USP43: variants seen among roughly 807,000 people sequenced by gnomAD.
USP43 encodes the protein ubiquitin specific peptidase 43.
Under a neutral mutation model 90.7 loss-of-function variants are expected in USP43, and 33 were observed. The ratio of observed to expected loss-of-function variants is 0.36; its 90% CI spans 0.28 to 0.49. USP43 has a LOEUF of 0.49. USP43 is among the 20% of genes least tolerant of loss of function. USP43 has a pLI of 0.98. For synonymous variants in USP43, 598 were observed against 615.8 expected (o/e 0.97, Z 0.43); for missense variants, 1,274 against 1,476.4 (o/e 0.86, Z 2.25).
At chr17:9,680,732 A>G (rs577801066) in intron 6 of USP43, among the ~76,000 whole-genome samples, 167 of 152,084 alleles carry the variant, frequency 1.1e-3, no homozygotes, top group African/African-American at 3.8e-3. Flanking sequence ...TTTGAGAACC[A>G]CTATTTGGTA....
In USP43 at chr17:9,728,153, G is replaced by A. The variant is rs1365273838; in HGVS notation, c.2535G>A (p.Thr845=). Residue 845 remains threonine (T), a synonymous_variant, in exon 15 of 15, where the codon ACG becomes ACA. Transcript: ENST00000285199. The surrounding 1 kb of genome is among the most constrained non-coding windows in gnomAD (Gnocchi z 6.2). ...AATCCAGACGAAGACCTCGGTCCAC[G>A]AGCCAGTCCATTGTGTCGCTGTTGA... ...YLESRRRPRS[T]SQSIVSLLTG... is the part of the protein sequence containing the mutation. 19 of 1,613,834 alleles carry A rather than the reference G, an allele frequency of 1.2e-5. No homozygotes were observed. Among genetic ancestry groups the A allele is most frequent in the Middle Eastern group, 1.6e-4 (1 of 6,084 alleles).
In USP43 at chr17:9,645,767, G is replaced by C. The variant is rs1250027306; in HGVS notation, c.135G>C (p.Pro45=). The change falls in exon 1 of 15, where the codon CCG becomes CCC. Residue 45 remains proline (P), a synonymous_variant. Transcript: ENST00000285199. This position sits in a 1 kb window ranked among gnomAD's most constrained non-coding sequence, Gnocchi z 6.8. ...GCCGCTCACGCCCCGGGGACTCACC[G>C]CCCCGGCCCCAGCCGGGACACTGTG... ...LGSRSRPGDS[P]PRPQPGHCDG... is the part of the protein sequence containing the mutation. 11 of 1,392,524 alleles carry C rather than the reference G, an allele frequency of 7.9e-6. No individual in the cohort carries two copies. The African/African-American group carries it at 1.5e-4, about 19-fold the overall frequency. 86.3% of individuals were successfully genotyped at this position (1,392,524 alleles called of 1,614,324 possible). A position where few individuals can be genotyped will look rare whatever the true frequency, so the allele number is the denominator to read the frequency against.
At chr17:9,650,144 T>C (rs1422041325) in intron 1 of USP43, among the ~76,000 whole-genome samples, 1 of 152,202 alleles carries the variant, frequency 6.6e-6, no homozygotes, top group African/African-American at 2.4e-5. Context: ...TATTATACTG[T>C]ATTGAAGTTT....
intron 14 of USP43, among the ~76,000 whole-genome samples, chr17:9,725,463 A>G (rs1422370530): frequency 6.6e-6 from 1 of 152,126 alleles, no homozygotes; most frequent in East Asian, 1.9e-4. Context: ...CTAGACGGGA[A>G]GTGACTTTGT....
At chr17:9,713,300 G>C (rs779199459) in intron 14 of USP43, among the ~76,000 whole-genome samples, 2 of 152,040 alleles carry the variant, frequency 1.3e-5, no homozygotes, top group African/African-American at 2.4e-5. Flanking sequence ...TGTTGGTCAG[G>C]CTGATCTCAA....
chr17:9,656,558 A>C (rs1281337513), intron 2 of USP43, 24 bp downstream of exon 2: 2 of 1,599,882 alleles, frequency 1.3e-6, no homozygotes, highest in Admixed American at 1.7e-5. Context: ...AAAACAACAC[A>C]ATGTACTGGG....
intron 14 of USP43, among the ~76,000 whole-genome samples, chr17:9,721,056 T>C (rs572779624): frequency 1.3e-5 from 2 of 152,250 alleles, no homozygotes; most frequent in African/African-American, 2.4e-5. Context: ...CTGCAACTTA[T>C]ATAATTGAGG....
intron 2 of USP43, among the ~76,000 whole-genome samples, chr17:9,661,970 T>A (rs1296258852): frequency 6.6e-6 from 1 of 152,122 alleles, no homozygotes; most frequent in African/African-American, 2.4e-5. Flanking sequence ...CCACGCTCAA[T>A]GACAGGGAAA....
intron 14 of USP43, among the ~76,000 whole-genome samples, chr17:9,718,288 G>A (rs4791862): frequency 5.3e-5 from 8 of 152,116 alleles, no homozygotes; most frequent in Admixed American, 3.3e-4. Flanking sequence ...GAGCCTATCC[G>A]TGATGCTGCA....
At chr17:9,725,650 G>T (rs909138778) in intron 14 of USP43, among the ~76,000 whole-genome samples, 9 of 152,212 alleles carry the variant, frequency 5.9e-5, no homozygotes, top group African/African-American at 1.9e-4. Context: ...AGAAAGAGGA[G>T]ACACGAGTTC....
intron 8 of USP43, among the ~76,000 whole-genome samples, chr17:9,691,704 T>A (rs1410167711): frequency 6.6e-6 from 1 of 152,090 alleles, no homozygotes; most frequent in African/African-American, 2.4e-5. Flanking sequence ...CAGCAATGCA[T>A]AAGGGTTCCA....
chr17:9,665,254 G>A (rs954305645), intron 2 of USP43, among the ~76,000 whole-genome samples: 7 of 152,168 alleles, frequency 4.6e-5, no homozygotes, highest in Non-Finnish European at 4.4e-5. Context: ...GGTCCTAATC[G>A]CTGCATCTTG....
At position 9,682,868 on chromosome 17, in the gene USP43, A is replaced by T; in HGVS notation, c.1151A>T (p.Glu384Val). Reference sequence around the variant, plus strand: ...GCCTCCCCACGCCTGGCAGCCCGTGAGGGCCAGCGATTCTCCCTCTCTCTC... The same window carrying T: ...GCCTCCCCACGCCTGGCAGCCCGTGTGGGCCAGCGATTCTCCCTCTCTCTC... ...LSASPRLAAREGQRFSLSLHS... is the reference protein window; with the variant it reads ...LSASPRLAARVGQRFSLSLHS... Residue 384 changes from glutamate to valine, a missense_variant, in exon 7 of 15, where the codon GAG becomes GTG. Glu to Val is a moderately radical substitution (Grantham distance 121). This residue lies in a region of USP43 where 253 missense variants were observed against 276.0 expected (regional missense o/e 0.92). Transcript: ENST00000285199. 6.2e-7 allele frequency: 1 copy of T among 1,614,034 alleles called. No homozygotes were observed.
chr17:9,646,174 G>C, intron 1 of USP43, 38 bp downstream of exon 1: 1 of 1,391,238 alleles, frequency 7.2e-7, no homozygotes, highest in Non-Finnish European at 9.3e-7. Context: ...CTGTCCCCCT[G>C]GTTTCGCCTC....
intron 1 of USP43, among the ~76,000 whole-genome samples, chr17:9,654,722 C>T (rs927527579): frequency 7.3e-5 from 11 of 150,708 alleles, no homozygotes; most frequent in Non-Finnish European, 1.3e-4. Flanking sequence ...TTGTCTCATC[C>T]TAAAATCTCC....
At chr17:9,691,675 A>G (rs1914962327) in intron 8 of USP43, among the ~76,000 whole-genome samples, 2 of 152,112 alleles carry the variant, frequency 1.3e-5, no homozygotes, top group South Asian at 2.1e-4. Context: ...CAGCTGTACC[A>G]TCCATTTTAT....
chr17:9,672,047 A>G (rs1804481199), intron 3 of USP43, among the ~76,000 whole-genome samples: 2 of 151,872 alleles, frequency 1.3e-5, no homozygotes, highest in Admixed American at 1.3e-4. Flanking sequence ...CCCATGCTGG[A>G]GTGCAATGGC....
intron 2 of USP43, among the ~76,000 whole-genome samples, chr17:9,663,789 A>G (rs986917391): frequency 2.0e-5 from 3 of 149,484 alleles, no homozygotes; most frequent in Admixed American, 6.7e-5. Context: ...ACGCCTGGCT[A>G]ATTTTTTGTA....
rs1156651758 is a variant in USP43 at position 9,680,985 on chromosome 17, CAT to C, written c.1105+628_1105+629del. ...TTTGGCCAAGTTAGTGAAGAAGACC[CAT>C]ATATATATTATATATTATATGTAAT... On this transcript the variant is annotated intron_variant, in intron 6 of 14. Transcript: ENST00000285199. Among the ~76,000 whole-genome samples the C allele has an allele frequency of 1.9e-3, 264 of 139,132 alleles. 1 individual carries two copies. The highest frequency in any genetic ancestry group is 6.9e-3 in the African/African-American group (259 of 37,418). 91.3% of individuals were successfully genotyped at this position (139,132 alleles called of 152,430 possible).
Sources: gnomAD v4.1 joint callset for allele counts (sites outside exome capture counted in the v4.1 genomes callset) on GRCh38, gnomAD v4.1.1 for gene constraint, gnomAD v4.1.1 regional missense constraint, Gnocchi (gnomAD v3.1) non-coding constraint, MANE v1.5 for transcripts, NCBI Gene and HGNC (gene_info 2026-07-23, HGNC 2026-07-21) for gene names.